JMJD1C: variants seen among roughly 807,000 people sequenced by gnomAD.
JMJD1C encodes the protein jumonji domain containing 1C, also known as jumonji domain-containing protein 1C.
A neutral mutation model predicts 245.3 loss-of-function variants in JMJD1C; 31 were observed. The observed-to-expected ratio is 0.13, with a 90% confidence interval of 0.09 to 0.17. JMJD1C has a LOEUF of 0.17. Among genes scored for constraint, JMJD1C ranks in the 10% least tolerant of loss-of-function variants. The pLI is 1.00. For missense variants in JMJD1C, 2,691 were observed against 3,000.2 expected (o/e 0.90, Z 2.41); for synonymous variants, 1,057 against 1,017.4 (o/e 1.04, Z -0.74).
At chr10:63,490,422 ATT>A (rs56942530) in intron 1 of JMJD1C, among the ~76,000 whole-genome samples, 10 of 147,328 alleles carry the variant, frequency 6.8e-5, no homozygotes, top group Admixed American at 2.7e-4. Flanking sequence ...TATTTATTTT[ATT>A]TTTTTTTTTT....
chr10:63,388,640 AG>A (rs1398459929), intron 1 of JMJD1C, among the ~76,000 whole-genome samples: 1 of 152,164 alleles, frequency 6.6e-6, no homozygotes, highest in Non-Finnish European at 1.5e-5. Context: ...ACAAGAAGAG[AG>A]AAAGGAACAA....
chr10:63,263,980 A>ACACT lies in JMJD1C; in HGVS notation c.447+670_447+671insAGTG, dbSNP rs1554861353. The stretch of plus-strand genomic sequence containing the variant: ...CACATACACACACACACACACACAC[A>ACACT]CACACACACACACACACACACACAC... On this transcript the variant is annotated intron_variant, in intron 3 of 25. Transcript: ENST00000399262. 7.0e-3 allele frequency among the ~76,000 whole-genome samples: 920 copies of ACACT among 131,626 alleles called. 16 individuals are homozygous for ACACT. Among genetic ancestry groups the ACACT allele is most frequent in the East Asian group, 0.037 (177 of 4,724 alleles). The allele number at this position is 131,626 out of a possible 152,430, so 86.4% of individuals were successfully genotyped here.
intron 2 of JMJD1C, among the ~76,000 whole-genome samples, chr10:63,349,564 T>C (rs1944164556): frequency 6.6e-6 from 1 of 152,230 alleles, no homozygotes; most frequent in Non-Finnish European, 1.5e-5. Context: ...CAAGGCCTCA[T>C]GTAAATGTTG....
At chr10:63,380,625 G>T in intron 1 of JMJD1C, 143 bp from the exon 2 acceptor site, 1 of 616,838 alleles carries the variant, frequency 1.6e-6, no homozygotes, top group East Asian at 2.9e-5. Flanking sequence ...ATCAAATCAG[G>T]GTAATTAGAA....
chr10:63,236,764 A>C (rs529556604), intron 3 of JMJD1C, among the ~76,000 whole-genome samples: 2 of 152,286 alleles, frequency 1.3e-5, no homozygotes, highest in Non-Finnish European at 2.9e-5. Flanking sequence ...CAACAACAAA[A>C]AAGAAGTAAA....
At chr10:63,462,593 C>T (rs1357543322) in intron 1 of JMJD1C, among the ~76,000 whole-genome samples, 1 of 152,054 alleles carries the variant, frequency 6.6e-6, no homozygotes, top group Non-Finnish European at 1.5e-5. Flanking sequence ...ATCAACAGGG[C>T]ACTTACAAGT....
chr10:63,251,162 T>C (rs1219419669), intron 3 of JMJD1C, among the ~76,000 whole-genome samples: 1 of 152,218 alleles, frequency 6.6e-6, no homozygotes. Context: ...TATCGTGTTG[T>C]TGATTCATCC....
intron 1 of JMJD1C, among the ~76,000 whole-genome samples, chr10:63,405,947 T>A (rs182145744): frequency 2.0e-5 from 3 of 152,242 alleles, no homozygotes; most frequent in Admixed American, 2.0e-4. Context: ...ATATACAGAT[T>A]AATATCATCA....
At chr10:63,484,537 T>G (rs182460368) in intron 1 of JMJD1C, among the ~76,000 whole-genome samples, 10 of 152,038 alleles carry the variant, frequency 6.6e-5, no homozygotes, top group African/African-American at 2.2e-4. Context: ...GATAGGATAA[T>G]TTGTAGCTGA....
chr10:63,429,654 T>C (rs1227795313), intron 1 of JMJD1C, among the ~76,000 whole-genome samples: 1 of 152,160 alleles, frequency 6.6e-6, no homozygotes, highest in Non-Finnish European at 1.5e-5. Context: ...TCTAAAACAT[T>C]TGCCAGTTGA....
At chr10:63,357,864 C>T (rs867493654) in intron 2 of JMJD1C, among the ~76,000 whole-genome samples, 14 of 128,574 alleles carry the variant, frequency 1.1e-4, no homozygotes, top group Middle Eastern at 3.9e-3. Context: ...CACACACACA[C>T]ACAGAGACAA....
At chr10:63,336,821 C>T (rs1393075899) in intron 2 of JMJD1C, among the ~76,000 whole-genome samples, 2 of 151,986 alleles carry the variant, frequency 1.3e-5, no homozygotes, top group African/African-American at 4.8e-5. Context: ...AATTAGTGCC[C>T]ACTGCATTCA....
intron 22 of JMJD1C, among the ~76,000 whole-genome samples, chr10:63,182,476 G>A (rs531321083): frequency 6.6e-6 from 1 of 152,280 alleles, no homozygotes; most frequent in Admixed American, 6.5e-5. Flanking sequence ...TAAAAGGAAA[G>A]TGACAAAGAT....
chr10:63,281,450 C>A (rs140269117), intron 2 of JMJD1C, among the ~76,000 whole-genome samples: 4,328 of 124,792 alleles, frequency 0.035, 212 homozygotes, highest in African/African-American at 0.11. Context: ...TGAGCCACTG[C>A]GCCTGGCCTT....
intron 1 of JMJD1C, among the ~76,000 whole-genome samples, chr10:63,424,348 T>C (rs376964581): frequency 5.3e-4 from 81 of 152,062 alleles, no homozygotes; most frequent in African/African-American, 1.9e-3. Flanking sequence ...ATTACAGGCA[T>C]GAGCCACTGC....
intron 1 of JMJD1C, among the ~76,000 whole-genome samples, chr10:63,486,506 T>C (rs1160720127): frequency 3.3e-5 from 5 of 152,180 alleles, no homozygotes; most frequent in African/African-American, 9.7e-5. Flanking sequence ...ATTCAGTCTA[T>C]TGAAATAAGC....
intron 1 of JMJD1C, among the ~76,000 whole-genome samples, chr10:63,520,870 C>A (rs1391786918): frequency 1.3e-5 from 2 of 152,208 alleles, no homozygotes; most frequent in African/African-American, 4.8e-5. Flanking sequence ...GAGGCCTGTG[C>A]AAGAACCTCT....
chr10:63,518,310 T>C (rs961639391), intron 1 of JMJD1C, among the ~76,000 whole-genome samples: 1 of 152,174 alleles, frequency 6.6e-6, no homozygotes, highest in African/African-American at 2.4e-5. Context: ...GCATAAAATA[T>C]TTTCCAACTT....
intron 1 of JMJD1C, among the ~76,000 whole-genome samples, chr10:63,516,906 C>T (rs953682700): frequency 2.0e-5 from 3 of 152,122 alleles, no homozygotes; most frequent in African/African-American, 4.8e-5. Flanking sequence ...CAAACTGAAC[C>T]TCTGTTGTAA....
Sources: allele counts gnomAD v4.1 joint callset (sites outside exome capture counted in the v4.1 genomes callset), GRCh38; gene constraint gnomAD v4.1.1; transcripts MANE v1.5; gene names NCBI Gene and HGNC (gene_info 2026-07-23, HGNC 2026-07-21).